The following IRAG2 variants were observed in gnomAD, a reference collection of about 807,000 sequenced individuals.
The protein encoded by IRAG2 is lymphoid restricted membrane protein.
Under a neutral mutation model 69.9 loss-of-function variants are expected in IRAG2, and 45 were observed. That is an observed-to-expected ratio of 0.64 (90% CI 0.51 to 0.83). The LOEUF (loss-of-function observed/expected upper bound fraction) is 0.83. Ranked by LOEUF, IRAG2 falls within the 40% of genes least tolerant of loss-of-function variation. The pLI is 0.00. For missense variants in IRAG2, 520 were observed against 587.0 expected (o/e 0.89, Z 1.18); for synonymous variants, 193 against 202.4 (o/e 0.95, Z 0.40).
At chr12:25,105,169 T>A (rs1309707441) in intron 20 of IRAG2, among the ~76,000 whole-genome samples, 1 of 146,314 alleles carries the variant, frequency 6.8e-6, no homozygotes, top group Non-Finnish European at 1.5e-5. Flanking sequence ...CTCCACCTCC[T>A]GGGTTCACGC....
chr12:25,095,911 C>T (rs1381319464), intron 14 of IRAG2, among the ~76,000 whole-genome samples: 1 of 152,218 alleles, frequency 6.6e-6, no homozygotes, highest in Non-Finnish European at 1.5e-5. Context: ...TCCTTCCCAA[C>T]TGGAGGTGGT....
At chr12:25,097,094 A>G in intron 15 of IRAG2, 50 bp downstream of exon 15, 2 of 1,534,538 alleles carry the variant, frequency 1.3e-6, no homozygotes, top group Non-Finnish European at 1.8e-6. Context: ...AAAAAGATTC[A>G]CTTTTCCTGA....
At chr12:25,107,404 T>G (rs1235193355) in intron 21 of IRAG2, among the ~76,000 whole-genome samples, 1 of 152,190 alleles carries the variant, frequency 6.6e-6, no homozygotes, top group Non-Finnish European at 1.5e-5. Context: ...AGGCATCCAC[T>G]GGAGGTCTTG....
chr12:24,999,122 C>T, the IRAG2 span, among the ~76,000 whole-genome samples: 1 of 152,078 alleles, frequency 6.6e-6, no homozygotes, highest in African/African-American at 2.4e-5. Flanking sequence ...ATATACATTC[C>T]TAAAGAATAA....
At chr12:25,090,336 G>T (rs11047823) in intron 14 of IRAG2, 139 bp downstream of exon 14, 369,501 of 672,578 alleles carry the variant, frequency 0.55, 103,568 homozygotes, top group East Asian at 0.8. Flanking sequence ...GAGGCCCGGA[G>T]TTCAAGATCA....
At chr12:25,034,866 T>C (rs1010420929) in intron 13 of IRAG2, among the ~76,000 whole-genome samples, 13 of 152,260 alleles carry the variant, frequency 8.5e-5, no homozygotes, top group African/African-American at 2.7e-4. Context: ...GACATTCTGC[T>C]GAGGGCTGTG....
intron 12 of IRAG2, among the ~76,000 whole-genome samples, chr12:25,033,482 G>A (rs1351067999): frequency 6.6e-6 from 1 of 152,204 alleles, no homozygotes; most frequent in Non-Finnish European, 1.5e-5. Context: ...AGGCAAAGGG[G>A]TTACTCTGTT....
At chr12:25,002,057 C>T (rs115179807), upstream of IRAG2, among the ~76,000 whole-genome samples, 783 of 152,184 alleles carry the variant, frequency 5.1e-3, 5 homozygotes, top group African/African-American at 0.018. Context: ...CCATCGTGCC[C>T]GGCCTTAACT....
chr12:25,041,544 C>T (rs184256125), intron 16 of IRAG2, among the ~76,000 whole-genome samples: 32 of 151,740 alleles, frequency 2.1e-4, no homozygotes, highest in East Asian at 1.8e-3. Context: ...AGCAGTGGCA[C>T]GATTTCAGCT....
rs1304968853 is a variant in IRAG2, at chr12:25,090,074, A to G, written c.483A>G (p.Leu161=). The change falls in exon 14 of 22, where the codon TTA becomes TTG. Residue 161 remains leucine (L), a synonymous_variant. Coordinates refer to ENST00000556887, the MANE Select transcript of IRAG2 (RefSeq NM_001366544.2). ...GACAACAGGCAGAATTTCTCAGATT[A>G]TCTTTGGGATTTAAGTGTGACTGGT... The part of the protein sequence containing the change: ...EKEVEAEFLR[L]SLGFKCDWFT... 6.2e-7 allele frequency: 1 copy of G among 1,613,968 alleles called. No homozygotes were observed. The highest frequency in any genetic ancestry group is 1.1e-5 in the South Asian group (1 of 91,040).
chr12:25,077,965 A>G (rs1224769526), intron 6 of IRAG2, among the ~76,000 whole-genome samples: 1 of 152,208 alleles, frequency 6.6e-6, no homozygotes, highest in Non-Finnish European at 1.5e-5. Flanking sequence ...GTCTAAGACA[A>G]TAATTGGGAA....
chr12:25,025,545 T>C (rs1944614462), intron 8 of IRAG2, among the ~76,000 whole-genome samples: 1 of 152,174 alleles, frequency 6.6e-6, no homozygotes. Context: ...TTGAGTGAGA[T>C]GGGAGCCATT....
At chr12:25,035,875 A>G (rs2139853404) in intron 14 of IRAG2, 2 of 398,100 alleles carry the variant, frequency 5.0e-6, no homozygotes, top group South Asian at 1.3e-4. Flanking sequence ...TGCTGAGTCC[A>G]AATGTATCTG....
chr12:25,078,301 T>C (rs12315725), intron 6 of IRAG2, among the ~76,000 whole-genome samples: 56,431 of 152,022 alleles, frequency 0.37, 10,895 homozygotes, highest in East Asian at 0.66. Context: ...AGTAAACCTG[T>C]ACTTTACTTG....
intron 6 of IRAG2, chr12:25,017,311 C>T: frequency 8.1e-7 from 1 of 1,232,020 alleles, no homozygotes; most frequent in Non-Finnish European, 1.0e-6. Flanking sequence ...CAGTGGGGTC[C>T]AGTGTGCGGG....
chr12:25,060,668 C>CT (rs753591747), intron 1 of IRAG2, among the ~76,000 whole-genome samples: 1,548 of 99,234 alleles, frequency 0.016, 26 homozygotes, highest in East Asian at 0.051. Flanking sequence ...AATGTATTTT[C>CT]TTTTTTTTTT....
chr12:25,098,644 T>C (rs1459312529), intron 15 of IRAG2, among the ~76,000 whole-genome samples: 1 of 152,180 alleles, frequency 6.6e-6, no homozygotes, highest in Non-Finnish European at 1.5e-5. Flanking sequence ...AGCACACAAA[T>C]AATATGTTGT....
chr12:25,104,163 CAA>C, intron 19 of IRAG2, 105 bp downstream of exon 19: 1 of 1,015,248 alleles, frequency 9.8e-7, no homozygotes, highest in Non-Finnish European at 1.5e-6. Flanking sequence ...TTGATTTGTA[CAA>C]AGTGTAAACA....
At chr12:25,079,917 A>G (rs577587153) in intron 9 of IRAG2, among the ~76,000 whole-genome samples, 154 bp downstream of exon 9, 1 of 152,338 alleles carries the variant, frequency 6.6e-6, no homozygotes, top group Non-Finnish European at 1.5e-5. Context: ...TATAGTCTGC[A>G]GAAAAGAAAT....
Sources: gnomAD v4.1 joint callset for allele counts (sites outside exome capture counted in the v4.1 genomes callset) on GRCh38, gnomAD v4.1.1 for gene constraint, MANE v1.5 for transcripts, NCBI Gene and HGNC (gene_info 2026-07-23, HGNC 2026-07-21) for gene names.